Variants in IQSEC3 observed in about 807,000 individuals in gnomAD.
The protein encoded by IQSEC3 is IQ motif and SEC7 domain-containing protein 3.
Under a neutral mutation model 105.4 loss-of-function variants are expected in IQSEC3, and 50 were observed. The ratio of observed to expected loss-of-function variants is 0.47; its 90% confidence interval spans 0.38 to 0.60. The LOEUF is 0.60. Ranked by LOEUF, IQSEC3 falls within the 20% of genes least tolerant of loss-of-function variation. IQSEC3 has a pLI of 0.00. For missense variants in IQSEC3, 1,415 were observed against 1,630.0 expected (o/e 0.87, Z 2.27); for synonymous variants, 708 against 746.0 (o/e 0.95, Z 0.83).
In IQSEC3 at chr12:125,619, C is replaced by CCT; in HGVS notation, c.624-13_624-12dup. 1 of 1,483,058 alleles carries CCT rather than the reference C, an allele frequency of 6.7e-7. No individual in the cohort carries two copies. The highest frequency in any genetic ancestry group is 2.5e-5 in the East Asian group (1 of 40,502). 91.9% of individuals were successfully genotyped at this position (1,483,058 alleles called of 1,614,324 possible). ...CCTCTCCCCCAACCGAGCACCGTTG[C>CCT]CTTCTGTTCACAGTGATGGCTCCTG... On this transcript the variant is annotated splice_polypyrimidine_tract_variant and intron_variant, in intron 2 of 13. Transcript: ENST00000538872.
At chr12:97,932 CG>C (rs1565392949) in intron 1 of IQSEC3, among the ~76,000 whole-genome samples, 1 of 152,202 alleles carries the variant, frequency 6.6e-6, no homozygotes, top group Non-Finnish European at 1.5e-5. Flanking sequence ...CTACCAAATT[CG>C]GGGCTAGGAG....
chr12:172,160 T>C (rs1007234646), intron 13 of IQSEC3, among the ~76,000 whole-genome samples: 15 of 152,146 alleles, frequency 9.9e-5, no homozygotes, highest in African/African-American at 3.6e-4. Flanking sequence ...CCCATCAGTC[T>C]GACTAAGCCC....
At chr12:161,902 C>A (rs1555096350) in intron 7 of IQSEC3, 24 bp from the exon 8 acceptor site, 4 of 1,564,106 alleles carry the variant, frequency 2.6e-6, no homozygotes, top group Admixed American at 1.9e-5. Context: ...CCCACCACCA[C>A]CCCTGCCCAC....
chr12:87,351 C>A (rs1158002173), intron 1 of IQSEC3, among the ~76,000 whole-genome samples: 1 of 152,218 alleles, frequency 6.6e-6, no homozygotes, highest in African/African-American at 2.4e-5. Context: ...CTAGGAAAAC[C>A]AGGGCAGAAC....
At chr12:79,365 CCTGTACTTGTACAGGTGGCT>C (rs1387511270) in intron 1 of IQSEC3, among the ~76,000 whole-genome samples, 1 of 152,196 alleles carries the variant, frequency 6.6e-6, no homozygotes, top group Non-Finnish European at 1.5e-5. Context: ...CTTCTGGCCA[CCTGTACTTGTACAGGTGGCT>C]TTTAACATAC....
chr12:104,974 G>C (rs954528515), intron 2 of IQSEC3, among the ~76,000 whole-genome samples: 5 of 152,256 alleles, frequency 3.3e-5, no homozygotes, highest in Non-Finnish European at 7.3e-5. Context: ...TGCCTGCTCC[G>C]GGAGTCGCAT....
intron 1 of IQSEC3, among the ~76,000 whole-genome samples, chr12:73,823 T>C (rs1863419989): frequency 6.6e-6 from 1 of 152,274 alleles, no homozygotes; most frequent in Non-Finnish European, 1.5e-5. Flanking sequence ...TCTATTCTCA[T>C]TTAGCCATTC....
rs1318975113 is a variant in IQSEC3, at chr12:141,020, T to G, written c.1992-104T>G. 13 of 1,214,616 alleles carry G rather than the reference T, an allele frequency of 1.1e-5. No individual in the cohort carries two copies. The East Asian group carries it at 3.1e-4, about 29-fold the overall frequency. The allele number at this position is 1,214,616 out of a possible 1,614,324, so 75.2% of individuals were successfully genotyped here. A position where few individuals can be genotyped will look rare whatever the true frequency, so the allele number is the denominator to read the frequency against. On this transcript the variant is annotated intron_variant, in intron 4 of 13. Transcript: ENST00000538872. Reference sequence around the variant, plus strand: ...AGAGAAGCTTCAATGGGGAACTGGATTTCCAAGAACCTCTGGGTACTTCTA... The same window carrying G: ...AGAGAAGCTTCAATGGGGAACTGGAGTTCCAAGAACCTCTGGGTACTTCTA...
intron 2 of IQSEC3, among the ~76,000 whole-genome samples, chr12:108,091 T>TCCCTAA (rs376120802): frequency 0.015 from 2,269 of 152,210 alleles, 43 homozygotes; most frequent in Middle Eastern, 0.054. Flanking sequence ...ACAAGCCTGT[T>TCCCTAA]CCCTAACCCT....
At position 125,680 on chromosome 12, in the gene IQSEC3, T is replaced by G. The variant is rs1865366105; in HGVS notation, c.671T>G (p.Val224Gly). The G allele has an allele frequency of 1.9e-6, 3 of 1,538,720 alleles. No individual in the cohort carries two copies. The highest frequency in any genetic ancestry group is 2.6e-6 in the Non-Finnish European group (3 of 1,153,988). The stretch of plus-strand genomic sequence containing the variant: ...GGTGGGGGCATGGAGGACTCCGTGG[T>G]GGCAGCGGCGGCGGTGGCAGCCGGC... ...QAGGGMEDSV[V>G]AAAAVAAGRP... Residue 224 changes from valine to glycine, a missense_variant, in exon 3 of 14, where the codon GTG becomes GGG. By Grantham distance (109) the Val-to-Gly change is moderately radical. Around this residue, in one of 6 missense-constraint regions of IQSEC3, gnomAD observed 720 missense variants for 633.0 expected, o/e 1.14. Coordinates refer to ENST00000538872, the MANE Select transcript of IQSEC3 (RefSeq NM_001170738.2).
In IQSEC3 at chr12:174,676, G is replaced by A. The variant is rs769272000; in HGVS notation, c.3192G>A (p.Pro1064=). ...CCGAGAGGGGAGCGCCGGTGCCGCCGCCAGACCTGCAGCCTAGCCCCCCGA... is the reference window on the plus strand; with the variant it reads ...CCGAGAGGGGAGCGCCGGTGCCGCCACCAGACCTGCAGCCTAGCCCCCCGA... ...LGAERGAPVP[P]PDLQPSPPRQ... The change falls in exon 14 of 14, where the codon CCG becomes CCA. Residue 1064 remains proline (P), a synonymous_variant. Coordinates refer to ENST00000538872, the MANE Select transcript of IQSEC3 (RefSeq NM_001170738.2). The A allele has an allele frequency of 4.7e-5, 75 of 1,590,684 alleles. No individual in the cohort carries two copies. The highest frequency in any genetic ancestry group is 1.7e-4 in the Middle Eastern group (1 of 5,910).
intron 2 of IQSEC3, among the ~76,000 whole-genome samples, chr12:107,523 C>T: frequency 6.7e-6 from 1 of 149,336 alleles, no homozygotes; most frequent in South Asian, 2.1e-4. Context: ...CATTCTCCTG[C>T]CTCAGCCTCC....
intron 9 of IQSEC3, 60 bp downstream of exon 9, chr12:163,679 G>C (rs1867031704): frequency 5.1e-6 from 5 of 978,044 alleles, no homozygotes; most frequent in Non-Finnish European, 8.2e-6. Context: ...GCCCTGGTCA[G>C]CCTGGGCAGG....
chr12:163,228 ACCCCT>A (rs1555096905), intron 8 of IQSEC3, among the ~76,000 whole-genome samples: 2 of 38,232 alleles, frequency 5.2e-5, no homozygotes, highest in Admixed American at 3.3e-4. Flanking sequence ...ACAGAACCGG[ACCCCT>A]CCCCTCCCCT....
rs146167604 is a variant in IQSEC3, at chr12:172,958, G to A, written c.3115-1641G>A. Among the ~76,000 whole-genome samples, 751 of 152,292 alleles carry A rather than the reference G, an allele frequency of 4.9e-3. 10 individuals are homozygous for A. The highest frequency in any genetic ancestry group is 0.017 in the African/African-American group (687 of 41,552). On this transcript the variant is annotated intron_variant, in intron 13 of 13. Transcript: ENST00000538872. ...GGGGAGCTTCAGGGAGAAGAAGGAC[G>A]GCTCAGTGGGTCTGGACTGGGACAG... is the stretch of plus-strand genomic sequence containing the variant.
chr12:93,299 G>A (rs1864149020), intron 1 of IQSEC3, among the ~76,000 whole-genome samples: 1 of 152,156 alleles, frequency 6.6e-6, no homozygotes, highest in South Asian at 2.1e-4. Flanking sequence ...CTTACTCTGG[G>A]GTCTGTGGAC....
intron 5 of IQSEC3, among the ~76,000 whole-genome samples, chr12:150,958 A>C (rs1324342972): frequency 8.0e-6 from 1 of 125,750 alleles, no homozygotes; most frequent in Non-Finnish European, 1.7e-5. Flanking sequence ...CCGTCTCTCC[A>C]GCATGTGTCT....
chr12:92,020 C>T (rs1022687356), intron 1 of IQSEC3, among the ~76,000 whole-genome samples: 12 of 152,226 alleles, frequency 7.9e-5, no homozygotes, highest in African/African-American at 1.4e-4. Flanking sequence ...CCTCACAGCA[C>T]GACTAGGGAT....
chr12:66,791 G>A lies in IQSEC3; in HGVS notation c.-92G>A, dbSNP rs1591614131. On this transcript the variant is annotated 5_prime_UTR_variant, in exon 1 of 14. Transcript: ENST00000538872. Reference sequence around the variant, plus strand: ...GAGGCTGGGCCGGTGGGAGAGGGAGGCGAGCCGACCGCTGGGCTGCTGGGC... The same window carrying A: ...GAGGCTGGGCCGGTGGGAGAGGGAGACGAGCCGACCGCTGGGCTGCTGGGC... 1.0e-5 allele frequency: 12 copies of A among 1,191,532 alleles called. No homozygotes were observed. The East Asian group carries it at 1.3e-4, about 13-fold the overall frequency. 73.8% of individuals were successfully genotyped at this position (1,191,532 alleles called of 1,614,324 possible).
Sources: gnomAD v4.1 joint callset for allele counts (sites outside exome capture counted in the v4.1 genomes callset) on GRCh38, gnomAD v4.1.1 for gene constraint, gnomAD v4.1.1 regional missense constraint, MANE v1.5 for transcripts, NCBI Gene and HGNC (gene_info 2026-07-23, HGNC 2026-07-21) for gene names.